GNA15: variants seen among roughly 807,000 people sequenced by gnomAD.
The protein encoded by GNA15 is G protein subunit alpha 15.
In GNA15, 23 loss-of-function variants were observed where a neutral mutation model predicts 40.1. The ratio of observed to expected loss-of-function variants is 0.57; its 90% CI spans 0.41 to 0.81. GNA15 has a LOEUF of 0.81. GNA15 is among the 40% of genes least tolerant of loss of function. The probability of loss-of-function intolerance (pLI) is 0.00; values close to 1 mark genes in which losing one functional copy is unlikely to be tolerated. For missense variants in GNA15, 522 were observed against 515.8 expected (o/e 1.01, Z -0.12); for synonymous variants, 226 against 210.4 (o/e 1.07, Z -0.64).
chr19:3,149,337 A>G (rs1284686677), intron 2 of GNA15: 12 of 161,528 alleles, frequency 7.4e-5, no homozygotes, highest in Non-Finnish European at 1.4e-4. Context: ...TCCCACATGC[A>G]CACACACACA....
chr19:3,152,078 G>C (rs1487744400), intron 4 of GNA15, among the ~76,000 whole-genome samples: 1 of 152,170 alleles, frequency 6.6e-6, no homozygotes, highest in East Asian at 1.9e-4. Flanking sequence ...CTTGGAGGAG[G>C]GAATATTAAT....
At chr19:3,137,217 A>G (rs1914478900) in intron 1 of GNA15, among the ~76,000 whole-genome samples, 1 of 152,272 alleles carries the variant, frequency 6.6e-6, no homozygotes. Flanking sequence ...TGAAGGAGCC[A>G]AGACATTTAG....
chr19:3,151,699 C>A lies in GNA15; in HGVS notation c.486-8C>A, dbSNP rs1227381916. 6.3e-7 allele frequency: 1 copy of A among 1,584,310 alleles called. No homozygotes were observed. ...CAAGGCTGGGCCTCAGGACTCCTTG[C>A]TCTGCAGCTACCTGTCCCACCTGGA... On this transcript the variant is annotated splice_polypyrimidine_tract_variant and splice_region_variant and intron_variant, in intron 3 of 6. Coordinates refer to ENST00000262958, the MANE Select transcript of GNA15 (RefSeq NM_002068.4). The surrounding 1 kb of genome is among the most constrained non-coding windows in gnomAD (Gnocchi z 5.0).
chr19:3,151,845 C>T lies in GNA15; in HGVS notation c.614+10C>T. On this transcript the variant is annotated intron_variant, in intron 4 of 6. Coordinates refer to ENST00000262958, the MANE Select transcript of GNA15 (RefSeq NM_002068.4). This position sits in a 1 kb window ranked among gnomAD's most constrained non-coding sequence, Gnocchi z 5.0. ...AGAAAACCAACCTGCGGTGAGCGCTCCACCTAGGCCCAGCCTAGGGGGCAG... is the reference window on the plus strand; with the variant it reads ...AGAAAACCAACCTGCGGTGAGCGCTTCACCTAGGCCCAGCCTAGGGGGCAG... The T allele has an allele frequency of 6.3e-7, 1 of 1,593,002 alleles. No individual in the cohort carries two copies. Among genetic ancestry groups the T allele is most frequent in the Non-Finnish European group, 8.6e-7 (1 of 1,169,100 alleles).
chr19:3,161,702 C>G (rs140797761), intron 6 of GNA15, among the ~76,000 whole-genome samples: 14 of 152,280 alleles, frequency 9.2e-5, no homozygotes, highest in Non-Finnish European at 1.3e-4. Flanking sequence ...TCTCCCAGCA[C>G]AAGTGACTGG....
chr19:3,156,731 C>T (rs1322433893), intron 5 of GNA15, among the ~76,000 whole-genome samples: 1 of 151,994 alleles, frequency 6.6e-6, no homozygotes, highest in Non-Finnish European at 1.5e-5. Context: ...CTCCTGACCT[C>T]GTGATCCGCC....
chr19:3,147,566 AAAAAAG>A (rs1165427751), intron 1 of GNA15, among the ~76,000 whole-genome samples: 5 of 29,256 alleles, frequency 1.7e-4, no homozygotes, highest in Admixed American at 4.2e-4. Flanking sequence ...AGAAAAAAAG[AAAAAAG>A]AAAAAAACCC....
chr19:3,137,922 C>T (rs1914490445), intron 1 of GNA15, among the ~76,000 whole-genome samples: 1 of 151,212 alleles, frequency 6.6e-6, no homozygotes. Context: ...GATCGGGCCA[C>T]TGCACTCCAG....
rs544495644 is a variant in GNA15 at position 3,151,616 on chromosome 19, C to T, written c.486-91C>T. 1 of 1,425,602 alleles carries T rather than the reference C, an allele frequency of 7.0e-7. No individual in the cohort carries two copies. Among genetic ancestry groups the T allele is most frequent in the South Asian group, 1.5e-5 (1 of 64,904 alleles). 88.3% of individuals were successfully genotyped at this position (1,425,602 alleles called of 1,614,324 possible). ...CCTCCACCCAGGGAGCTCTCCTCCCCCAGCAGGGTCCTTGCTGGGCCTTTC... is the reference window on the plus strand; with the variant it reads ...CCTCCACCCAGGGAGCTCTCCTCCCTCAGCAGGGTCCTTGCTGGGCCTTTC... On this transcript the variant is annotated intron_variant, in intron 3 of 6. Coordinates refer to ENST00000262958, the MANE Select transcript of GNA15 (RefSeq NM_002068.4). This position sits in a 1 kb window ranked among gnomAD's most constrained non-coding sequence, Gnocchi z 5.0.
chr19:3,142,729 G>A (rs1032594574), intron 1 of GNA15, among the ~76,000 whole-genome samples: 8 of 152,056 alleles, frequency 5.3e-5, no homozygotes, highest in African/African-American at 1.4e-4. Context: ...AAAATTAGCC[G>A]GGTGTGGTGG....
chr19:3,156,336 CG>C (rs1568298662), intron 5 of GNA15, among the ~76,000 whole-genome samples: 2 of 151,922 alleles, frequency 1.3e-5, no homozygotes, highest in Non-Finnish European at 2.9e-5. Context: ...CACATGCACA[CG>C]AACACACATG....
chr19:3,150,770 A>G (rs894114765), intron 3 of GNA15, among the ~76,000 whole-genome samples: 1 of 143,902 alleles, frequency 6.9e-6, no homozygotes, highest in East Asian at 2.1e-4. Context: ...CTTGGGGGGA[A>G]CCCTGATCCT....
At chr19:3,158,437 C>T (rs1167715102) in intron 6 of GNA15, among the ~76,000 whole-genome samples, 1 of 152,090 alleles carries the variant, frequency 6.6e-6, no homozygotes, top group Non-Finnish European at 1.5e-5. Flanking sequence ...TAGACAGGAG[C>T]CACCATGCCC....
At position 3,157,870 on chromosome 19, in the gene GNA15, C is replaced by T. The variant is rs1330649492; in HGVS notation, c.887C>T (p.Pro296Leu). Reference protein sequence around the residue: ...IPTSHLATYFPSFQGPKQDAE... With the variant: ...IPTSHLATYFLSFQGPKQDAE... ...ACCTCCCACCTGGCTACCTATTTCC[C>T]CAGTTTCCAGGGTAAGTAATTCTAG... The change falls in exon 6 of 7, where the codon CCC becomes CTC. Residue 296 changes from proline to leucine, a missense_variant. Coordinates refer to ENST00000262958, the MANE Select transcript of GNA15 (RefSeq NM_002068.4). The T allele has an allele frequency of 5.6e-6, 9 of 1,612,794 alleles. No individual in the cohort carries two copies. The highest frequency in any genetic ancestry group is 2.2e-5 in the East Asian group (1 of 44,894).
In GNA15 at chr19:3,157,715, G is replaced by A; in HGVS notation, c.745-13G>A. 6.2e-7 allele frequency: 1 copy of A among 1,611,148 alleles called. No individual in the cohort carries two copies. On this transcript the variant is annotated splice_polypyrimidine_tract_variant and intron_variant, in intron 5 of 6. Transcript: ENST00000262958. ...CTGGTTGAAGCACTAACCTGCTTCT[G>A]CCCCCAACACAGAACCGCATGAAGG...
chr19:3,159,445 C>T (rs1170164380), intron 6 of GNA15, among the ~76,000 whole-genome samples: 1 of 149,776 alleles, frequency 6.7e-6, no homozygotes, highest in East Asian at 2.0e-4. Flanking sequence ...CTCCCGGGTT[C>T]AAGGGATTCT....
intron 1 of GNA15, among the ~76,000 whole-genome samples, chr19:3,144,779 T>C (rs541391565): frequency 0.011 from 1,681 of 151,716 alleles, 13 homozygotes; most frequent in African/African-American, 0.024. Flanking sequence ...CCGCCCGCCT[T>C]GGCCTCCCAT....
intron 4 of GNA15, among the ~76,000 whole-genome samples, chr19:3,153,170 A>C (rs1914920100): frequency 6.6e-6 from 1 of 151,878 alleles, no homozygotes. Context: ...CCGAGAACCC[A>C]CGAGAAGGAA....
At chr19:3,152,053 A>G (rs1914894795) in intron 4 of GNA15, among the ~76,000 whole-genome samples, 1 of 152,236 alleles carries the variant, frequency 6.6e-6, no homozygotes, top group Non-Finnish European at 1.5e-5. Flanking sequence ...TCAGAGATCC[A>G]GGAGGGAATA....
Sources: gnomAD v4.1 joint callset for allele counts (sites outside exome capture counted in the v4.1 genomes callset) on GRCh38, gnomAD v4.1.1 for gene constraint, Gnocchi (gnomAD v3.1) non-coding constraint, MANE v1.5 for transcripts, NCBI Gene and HGNC (gene_info 2026-07-23, HGNC 2026-07-21) for gene names.